KANSL1L: variants seen among roughly 807,000 people sequenced by gnomAD.
KANSL1L encodes KAT8 regulatory NSL complex subunit 1-like protein.
A neutral mutation model predicts 108.6 loss-of-function variants in KANSL1L; 25 were observed. That is an observed-to-expected ratio of 0.23 (90% confidence interval 0.17 to 0.32). The LOEUF (loss-of-function observed/expected upper bound fraction) is 0.32, where lower values mean the gene tolerates loss of function less well. KANSL1L is among the 10% of genes least tolerant of loss of function. KANSL1L has a pLI of 1.00. For synonymous variants in KANSL1L, 405 were observed against 395.1 expected (o/e 1.03, Z -0.30); for missense variants, 1,137 against 1,125.7 (o/e 1.01, Z -0.14).
rs573927450 is a variant in KANSL1L at position 210,086,542 on chromosome 2, A to G, written c.1551-10786T>C. ...TTTCTAGGCGATATTGTTATTAAAT[A>G]AAAGATAGGAGTTAGTAATCAATAA... On this transcript the variant is annotated intron_variant, in intron 5 of 14. Transcript: ENST00000281772. 6.6e-5 allele frequency among the ~76,000 whole-genome samples: 10 copies of G among 152,158 alleles called. No individual in the cohort carries two copies. The South Asian group carries it at 2.1e-3, about 32-fold the overall frequency.
intron 6 of KANSL1L, among the ~76,000 whole-genome samples, chr2:210,074,006 G>T (rs933252949): frequency 6.6e-6 from 1 of 152,194 alleles, no homozygotes; most frequent in Non-Finnish European, 1.5e-5. Context: ...GAAAAGAAAT[G>T]ATTATAAAAT....
chr2:210,027,275 A>T, intron 12 of KANSL1L, 21 bp downstream of exon 12: 1 of 1,540,520 alleles, frequency 6.5e-7, no homozygotes, highest in Non-Finnish European at 9.0e-7. Context: ...CAATTATCCC[A>T]TTAAATGAAA....
chr2:210,059,308 C>T (rs986816393), intron 6 of KANSL1L, among the ~76,000 whole-genome samples: 1 of 152,232 alleles, frequency 6.6e-6, no homozygotes, highest in South Asian at 2.1e-4. Flanking sequence ...GCCAGCACCA[C>T]CTGCCAGAAG....
At chr2:210,053,457 C>T (rs1303677788) in intron 6 of KANSL1L, among the ~76,000 whole-genome samples, 2 of 152,020 alleles carry the variant, frequency 1.3e-5, no homozygotes, top group African/African-American at 2.4e-5. Context: ...ATAAGCTAGA[C>T]ATTGTGGCAG....
rs1406405661 is a variant in KANSL1L at position 210,136,023 on chromosome 2, G to A, written c.1089-6851C>T. 2.0e-5 allele frequency among the ~76,000 whole-genome samples: 3 copies of A among 152,102 alleles called. No individual in the cohort carries two copies. The East Asian group carries it at 5.8e-4, about 29-fold the overall frequency. On this transcript the variant is annotated intron_variant, in intron 2 of 14. Transcript: ENST00000281772. ...AATAAATATACAGTTGTGACCTCTA[G>A]AAATTCTGGCATGAAGATAAACCAC...
intron 5 of KANSL1L, among the ~76,000 whole-genome samples, chr2:210,083,689 C>T (rs1372424258): frequency 2.6e-5 from 4 of 151,402 alleles, no homozygotes; most frequent in Admixed American, 6.6e-5. Flanking sequence ...ATTAGCCGGG[C>T]GAGGTGGTGG....
At chr2:210,032,451 A>G (rs1345195043) in intron 8 of KANSL1L, 1 of 152,276 alleles carries the variant, frequency 6.6e-6, no homozygotes, top group Admixed American at 6.5e-5. Context: ...GAGCAGAAGC[A>G]CATAGTGAAG....
intron 1 of KANSL1L, among the ~76,000 whole-genome samples, chr2:210,159,263 A>G (rs1170068179): frequency 6.6e-6 from 1 of 152,236 alleles, no homozygotes; most frequent in Non-Finnish European, 1.5e-5. Flanking sequence ...TGACACAGTG[A>G]CTTTGTGTTT....
intron 6 of KANSL1L, among the ~76,000 whole-genome samples, chr2:210,060,865 A>G (rs531712722): frequency 1.3e-5 from 2 of 152,358 alleles, no homozygotes; most frequent in African/African-American, 4.8e-5. Flanking sequence ...TCATTCATTT[A>G]AAACTTCTGC....
At chr2:210,125,560 G>A (rs1264764424) in intron 3 of KANSL1L, among the ~76,000 whole-genome samples, 1 of 152,140 alleles carries the variant, frequency 6.6e-6, no homozygotes. Context: ...TGATACAGAA[G>A]TGATCAACCA....
chr2:210,075,287 A>G (rs1313591350), intron 6 of KANSL1L, among the ~76,000 whole-genome samples: 2 of 152,014 alleles, frequency 1.3e-5, no homozygotes, highest in East Asian at 1.9e-4. Context: ...TTTTCTCTCA[A>G]ATTAGTTTAG....
chr2:210,057,061 C>G (rs2094359300), intron 6 of KANSL1L, among the ~76,000 whole-genome samples: 1 of 152,068 alleles, frequency 6.6e-6, no homozygotes, highest in South Asian at 2.1e-4. Context: ...TTGGGCTGAC[C>G]AAGTCACTTG....
At chr2:210,166,199 A>C (rs1487514093) in intron 1 of KANSL1L, among the ~76,000 whole-genome samples, 1 of 152,108 alleles carries the variant, frequency 6.6e-6, no homozygotes, top group Admixed American at 6.6e-5. Flanking sequence ...TTTCTAAACC[A>C]TACATATTTA....
chr2:210,043,208 A>T (rs2094186137), intron 7 of KANSL1L, among the ~76,000 whole-genome samples: 1 of 152,032 alleles, frequency 6.6e-6, no homozygotes, highest in South Asian at 2.1e-4. Flanking sequence ...CAATATAGTG[A>T]GACCCCATCT....
chr2:210,074,911 T>A (rs540290289), intron 6 of KANSL1L, among the ~76,000 whole-genome samples: 1 of 152,294 alleles, frequency 6.6e-6, no homozygotes, highest in African/African-American at 2.4e-5. Flanking sequence ...TAGAGATAAC[T>A]TATTTTGCTT....
In KANSL1L at chr2:210,022,664, C is replaced by G. The variant is rs2093877169; in HGVS notation, c.*285G>C. 2.8e-6 allele frequency: 1 copy of G among 361,476 alleles called. No homozygotes were observed. Among genetic ancestry groups the G allele is most frequent in the African/African-American group, 2.1e-5 (1 of 47,782 alleles). The allele number at this position is 361,476 out of a possible 1,614,324, so 22.4% of individuals were successfully genotyped here. On this transcript the variant is annotated 3_prime_UTR_variant, in exon 15 of 15. Transcript: ENST00000281772. ...GTGGGTACATAGTCTTAAAAATTAC[C>G]CAGTAATGTGATTTGACATCAAGTT...
Position 210,134,697 on chromosome 2 carries a change from G to A in KANSL1L, c.1089-5525C>T, listed in dbSNP as rs1034098115. ...GAAAATAACTAGTAAATTAATAAGT[G>A]CATAGGCTTAACAACTATGACAAAA... On this transcript the variant is annotated intron_variant, in intron 2 of 14. Transcript: ENST00000281772. 1.9e-4 allele frequency among the ~76,000 whole-genome samples: 29 copies of A among 152,264 alleles called. 3 individuals carry two copies. Among genetic ancestry groups the A allele is most frequent in the Admixed American group, 1.8e-3 (28 of 15,270 alleles).
In KANSL1L at chr2:210,054,035, G is replaced by A. The variant is rs555964033; in HGVS notation, c.1756-9931C>T. ...AAATAAATGTAAATTGAAACTAGAC[G>A]GCCGGGCATGGTGGCTCACACCTGT... On this transcript the variant is annotated intron_variant, in intron 6 of 14. Coordinates refer to ENST00000281772, the MANE Select transcript of KANSL1L (RefSeq NM_152519.4). 3.9e-5 allele frequency among the ~76,000 whole-genome samples: 6 copies of A among 152,154 alleles called. No homozygotes were observed. The South Asian group carries it at 8.3e-4, about 21-fold the overall frequency.
intron 5 of KANSL1L, among the ~76,000 whole-genome samples, chr2:210,079,642 A>ATATATATATATGTATGTG (rs1559539618): frequency 3.7e-3 from 24 of 6,468 alleles, no homozygotes; most frequent in Admixed American, 0.036. Context: ...ATATATATAT[A>ATATATATATATGTATGTG]TATATATATA....
Sources: gnomAD v4.1 joint callset for allele counts (sites outside exome capture counted in the v4.1 genomes callset) on GRCh38, gnomAD v4.1.1 for gene constraint, MANE v1.5 for transcripts, NCBI Gene and HGNC (gene_info 2026-07-23, HGNC 2026-07-21) for gene names.